SPIDR: variants seen among roughly 807,000 people sequenced by gnomAD.
SPIDR encodes DNA repair-scaffolding protein.
In SPIDR, 93 loss-of-function variants were observed where a neutral mutation model predicts 104.6. The ratio of observed to expected loss-of-function variants is 0.89; its 90% CI spans 0.75 to 1.06. The LOEUF (loss-of-function observed/expected upper bound fraction) is 1.06, where lower values mean the gene tolerates loss of function less well. Among genes scored for constraint, SPIDR ranks in the 50% least tolerant of loss-of-function variants. The pLI is 0.00. For missense variants in SPIDR, 1,154 were observed against 1,111.2 expected, an observed-to-expected ratio of 1.04 and a Z score of -0.55; for synonymous variants, 431 against 416.9, an observed-to-expected ratio of 1.03 and a Z score of -0.41.
chr8:47,340,661 G>T (rs370681109), intron 5 of SPIDR, among the ~76,000 whole-genome samples: 1 of 152,184 alleles, frequency 6.6e-6, no homozygotes, highest in Admixed American at 6.5e-5. Flanking sequence ...TCTTTGTTGC[G>T]TAATTAGGTG....
intron 8 of SPIDR, among the ~76,000 whole-genome samples, chr8:47,564,251 A>G (rs1242436271): frequency 6.6e-6 from 1 of 150,762 alleles, no homozygotes. Context: ...GCTAATTTTT[A>G]TATTATTAGT....
At chr8:47,298,566 C>G (rs2041368200) in intron 5 of SPIDR, among the ~76,000 whole-genome samples, 1 of 152,092 alleles carries the variant, frequency 6.6e-6, no homozygotes, top group Non-Finnish European at 1.5e-5. Context: ...AGGTTTTCTT[C>G]TAGGGTTTTT....
chr8:47,399,984 A>G (rs1362150950), intron 6 of SPIDR, among the ~76,000 whole-genome samples: 1 of 152,144 alleles, frequency 6.6e-6, no homozygotes, highest in Non-Finnish European at 1.5e-5. Flanking sequence ...CGAGTGGAGG[A>G]CACCATCTTG....
At position 47,293,998 on chromosome 8, in the gene SPIDR, A is replaced by G. The variant is rs2154240353; in HGVS notation, c.493A>G (p.Thr165Ala). ...CASCASNQSL[T>A]SDEKLSELPK... The stretch of plus-strand genomic sequence containing the variant: ...TTCTTGTGCAAGTAATCAGTCTTTG[A>G]CAAGTGATGAGAAGCTGTCGGAGCT... Residue 165 changes from threonine to alanine, a missense_variant, in exon 5 of 20, where the codon ACA (threonine) becomes GCA (alanine). Transcript: ENST00000297423. 7 of 1,614,092 alleles carry G rather than the reference A, an allele frequency of 4.3e-6. No homozygotes were observed. In the East Asian group the frequency reaches 1.3e-4, roughly 31 times the overall value.
intron 8 of SPIDR, among the ~76,000 whole-genome samples, chr8:47,572,450 TG>T (rs1345730228): frequency 6.6e-5 from 10 of 151,748 alleles, no homozygotes; most frequent in African/African-American, 2.2e-4. Context: ...GATCACAAGG[TG>T]AAAAGATCGA....
chr8:47,322,833 G>C (rs780150926), intron 5 of SPIDR, among the ~76,000 whole-genome samples: 20 of 151,920 alleles, frequency 1.3e-4, no homozygotes, highest in Admixed American at 1.1e-3. Context: ...CAAACTATCA[G>C]AAGGACAAAA....
At chr8:47,315,671 A>G (rs972016122) in intron 5 of SPIDR, among the ~76,000 whole-genome samples, 1 of 152,214 alleles carries the variant, frequency 6.6e-6, no homozygotes, top group African/African-American at 2.4e-5. Flanking sequence ...AGACTGTGAT[A>G]TCAGCATAAG....
intron 5 of SPIDR, among the ~76,000 whole-genome samples, chr8:47,308,814 C>T (rs1259265175): frequency 6.6e-6 from 1 of 152,214 alleles, no homozygotes; most frequent in African/African-American, 2.4e-5. Context: ...CTGTAAGCTG[C>T]GCGCAAGCTG....
chr8:47,685,517 A>ATTTTTT lies in SPIDR; in HGVS notation c.1685+11578_1685+11583dup, dbSNP rs370526185. 1.2e-3 allele frequency among the ~76,000 whole-genome samples: 154 copies of ATTTTTT among 130,170 alleles called. 14 individuals carry two copies. In the East Asian group the frequency reaches 0.029, roughly 25 times the overall value. The allele number at this position is 130,170 out of a possible 152,430, so 85.4% of individuals were successfully genotyped here. A position where few individuals can be genotyped will look rare whatever the true frequency, so the allele number is the denominator to read the frequency against. On this transcript the variant is annotated intron_variant, in intron 11 of 19. Coordinates refer to ENST00000297423, the MANE Select transcript of SPIDR (RefSeq NM_001080394.4). ...TATTTATTTATTTATTTATTTATTT[A>ATTTTTT]TTTTTTTGAGACAGTCTCTCTCTGT...
intron 8 of SPIDR, among the ~76,000 whole-genome samples, chr8:47,478,092 G>A (rs1256263244): frequency 2.6e-5 from 4 of 152,206 alleles, no homozygotes; most frequent in Admixed American, 1.3e-4. Flanking sequence ...CTGACACTTC[G>A]TGTGAGGAAA....
Position 47,386,890 on chromosome 8 carries a change from GAA to G in SPIDR, c.526-9484_526-9483del, listed in dbSNP as rs1563810556. ...GGGGGGACGAGGGGAGAGAGAGAGA[GAA>G]AGAGAGAGAGAGATATAGATATAGA... is the stretch of plus-strand genomic sequence containing the variant. On this transcript the variant is annotated intron_variant, in intron 5 of 19. Transcript: ENST00000297423. Among the ~76,000 whole-genome samples, 68 of 61,648 alleles carry G rather than the reference GAA, an allele frequency of 1.1e-3. 1 individual carries two copies. Among genetic ancestry groups the G allele is most frequent in the African/African-American group, 3.0e-3 (53 of 17,394 alleles). The allele number at this position is 61,648 out of a possible 152,430, so 40.4% of individuals were successfully genotyped here. A position where few individuals can be genotyped will look rare whatever the true frequency, so the allele number is the denominator to read the frequency against.
intron 8 of SPIDR, among the ~76,000 whole-genome samples, chr8:47,559,559 G>A (rs1027917229): frequency 2.0e-5 from 3 of 152,184 alleles, no homozygotes; most frequent in Non-Finnish European, 2.9e-5. Context: ...TTGTATGTTC[G>A]TCTTTGTAGG....
chr8:47,728,685 A>C (rs1053228427), intron 17 of SPIDR: 4 of 356,836 alleles, frequency 1.1e-5, no homozygotes, highest in Non-Finnish European at 2.0e-5. Context: ...TGGGAGGCTC[A>C]GCATCCCCTC....
At chr8:47,516,792 A>G (rs942654698) in intron 8 of SPIDR, among the ~76,000 whole-genome samples, 2 of 152,074 alleles carry the variant, frequency 1.3e-5, no homozygotes, top group Admixed American at 6.5e-5. Context: ...TTTCGGCTAT[A>G]GATCTAGGAG....
chr8:47,711,211 CT>C (rs1286547851), intron 14 of SPIDR, among the ~76,000 whole-genome samples: 1 of 152,106 alleles, frequency 6.6e-6, no homozygotes, highest in Non-Finnish European at 1.5e-5. Flanking sequence ...CTTTGAGTAC[CT>C]CCTTATTTTC....
At chr8:47,386,884 GAGAGAGAA>G (rs1588035136) in intron 5 of SPIDR, among the ~76,000 whole-genome samples, 1 of 62,030 alleles carries the variant, frequency 1.6e-5, no homozygotes, top group East Asian at 6.3e-4. Flanking sequence ...AGGGGAGAGA[GAGAGAGAA>G]AGAGAGAGAG....
In SPIDR at chr8:47,393,102, A is replaced by C. The variant is rs1355752073; in HGVS notation, c.526-3274A>C. Among the ~76,000 whole-genome samples the C allele has an allele frequency of 3.3e-5, 5 of 152,144 alleles. No homozygotes were observed. In the East Asian group the frequency reaches 9.6e-4, roughly 29 times the overall value. ...TTCTGAAGTTGTGTTTCCATCCCACATCACTCTTAGAACTCCAGACCTGCA... is the reference window on the plus strand; with the variant it reads ...TTCTGAAGTTGTGTTTCCATCCCACCTCACTCTTAGAACTCCAGACCTGCA... On this transcript the variant is annotated intron_variant, in intron 5 of 19. Coordinates refer to ENST00000297423, the MANE Select transcript of SPIDR (RefSeq NM_001080394.4).
At chr8:47,587,803 TA>T (rs150378782) in intron 8 of SPIDR, among the ~76,000 whole-genome samples, 130 of 146,454 alleles carry the variant, frequency 8.9e-4, no homozygotes, top group African/African-American at 2.8e-3. Flanking sequence ...GAGATCAATT[TA>T]AAAAAAAAAT....
chr8:47,399,559 T>C (rs1160789833), intron 6 of SPIDR, among the ~76,000 whole-genome samples: 2 of 152,192 alleles, frequency 1.3e-5, no homozygotes, highest in African/African-American at 4.8e-5. Context: ...ACAGATGAAC[T>C]GGAGAAGGGC....
Sources: gnomAD v4.1 joint callset for allele counts (sites outside exome capture counted in the v4.1 genomes callset) on GRCh38, gnomAD v4.1.1 for gene constraint, MANE v1.5 for transcripts, NCBI Gene and HGNC (gene_info 2026-07-23, HGNC 2026-07-21) for gene names.